The following UBQLN4 variants were observed in gnomAD, a reference collection of about 807,000 sequenced individuals.
The protein encoded by UBQLN4 is ubiquilin 4.
Under a neutral mutation model 60.4 loss-of-function variants are expected in UBQLN4, and 11 were observed. The ratio of observed to expected loss-of-function variants is 0.18; its 90% CI spans 0.11 to 0.30. The LOEUF (loss-of-function observed/expected upper bound fraction) is 0.30, where lower values mean the gene tolerates loss of function less well. UBQLN4 is among the 10% of genes least tolerant of loss of function. The pLI is 1.00. For missense variants in UBQLN4, 417 were observed against 795.5 expected (o/e 0.52, Z 5.72); for synonymous variants, 258 against 313.1 (o/e 0.82, Z 1.86).
chr1:156,050,694 G>C lies in UBQLN4; in HGVS notation c.479-141C>G. 7.6e-7 allele frequency: 1 copy of C among 1,323,872 alleles called. No homozygotes were observed. Among genetic ancestry groups the C allele is most frequent in the Non-Finnish European group, 1.0e-6 (1 of 993,938 alleles). The allele number at this position is 1,323,872 out of a possible 1,614,324, so 82.0% of individuals were successfully genotyped here. On this transcript the variant is annotated intron_variant, in intron 3 of 10. Coordinates refer to ENST00000368309, the MANE Select transcript of UBQLN4 (RefSeq NM_020131.5). The surrounding 1 kb of genome is among the most constrained non-coding windows in gnomAD (Gnocchi z 4.6). ...CCTGTCATTCCCACAGCCCGGCCCT[G>C]ATCCACTGCTGGCAAAAAAATGTGA...
Position 156,048,578 on chromosome 1 carries a change from T to C in UBQLN4, c.823A>G (p.Ile275Val), listed in dbSNP as rs771488654. The part of the protein sequence containing the change: ...QDRALSNLES[I>V]PGGYNALRRM... ...CGGAGGGCATTATACCCTCCAGGGA[T>C]GCTCTCAAGGTTGCTCAGGGCCCGG... The change falls in exon 5 of 11, where the codon ATC (isoleucine) becomes GTC (valine). Residue 275 changes from isoleucine (I) to valine (V), a missense_variant. Physicochemically the swap from Ile to Val is conservative, Grantham distance 29. Coordinates refer to ENST00000368309, the MANE Select transcript of UBQLN4 (RefSeq NM_020131.5). This position sits in a 1 kb window ranked among gnomAD's most constrained non-coding sequence, Gnocchi z 4.9. The C allele has an allele frequency of 3.7e-6, 6 of 1,614,102 alleles. No homozygotes were observed. The highest frequency in any genetic ancestry group is 8.5e-7 in the Non-Finnish European group (1 of 1,179,964).
chr1:156,048,433 G>C lies in UBQLN4; in HGVS notation c.900+68C>G, dbSNP rs1572278824. 6.6e-7 allele frequency: 1 copy of C among 1,524,806 alleles called. No homozygotes were observed. The highest frequency in any genetic ancestry group is 8.9e-7 in the Non-Finnish European group (1 of 1,125,044). The allele number at this position is 1,524,806 out of a possible 1,614,324, so 94.5% of individuals were successfully genotyped here. ...AAGAAAGAAGAGCAGGCCCAGGTTTGCCTGGGGTGGGGGTAGGGAATCTCG... is the reference window on the plus strand; with the variant it reads ...AAGAAAGAAGAGCAGGCCCAGGTTTCCCTGGGGTGGGGGTAGGGAATCTCG... On this transcript the variant is annotated intron_variant, in intron 5 of 10. Transcript: ENST00000368309. The surrounding 1 kb of genome is among the most constrained non-coding windows in gnomAD (Gnocchi z 4.9).
Position 156,035,380 on chromosome 1 carries a change from A to G in UBQLN4, c.*1598T>C. 11 of 985,004 alleles carry G rather than the reference A, an allele frequency of 1.1e-5. No homozygotes were observed. The highest frequency in any genetic ancestry group is 1.3e-5 in the Non-Finnish European group (11 of 829,638). 61.0% of individuals were successfully genotyped at this position (985,004 alleles called of 1,614,324 possible). A position where few individuals can be genotyped will look rare whatever the true frequency, so the allele number is the denominator to read the frequency against. On this transcript the variant is annotated 3_prime_UTR_variant, in exon 11 of 11. Transcript: ENST00000368309. ...GGCAGGGAGGGAAAGCCACACAGAC[A>G]TCTTCTCTGGACTGCTTGGGACCCT...
intron 4 of UBQLN4, among the ~76,000 whole-genome samples, chr1:156,049,851 G>C (rs56681741): frequency 1.1e-3 from 172 of 152,340 alleles, no homozygotes; most frequent in African/African-American, 4.0e-3. Context: ...GCCCTGCCCA[G>C]CCACAGTGCT....
Position 156,042,410 on chromosome 1 carries a change from G to A in UBQLN4, c.1267-174C>T, listed in dbSNP as rs889489960. Reference sequence around the variant, plus strand: ...GGACAGTGAGAGGAAATGGAACTATGCTCTGGGTAATGAAGAGTATGAGGA... The same window carrying A: ...GGACAGTGAGAGGAAATGGAACTATACTCTGGGTAATGAAGAGTATGAGGA... On this transcript the variant is annotated intron_variant, in intron 7 of 10. Transcript: ENST00000368309. 54 of 1,420,662 alleles carry A rather than the reference G, an allele frequency of 3.8e-5. No homozygotes were observed. In the East Asian group the frequency reaches 1.3e-3, roughly 35 times the overall value. The allele number at this position is 1,420,662 out of a possible 1,614,324, so 88.0% of individuals were successfully genotyped here.
At position 156,038,857 on chromosome 1, in the gene UBQLN4, C is replaced by T. The variant is rs541566358; in HGVS notation, c.1654-1727G>A. ...ACGGAGTCTCGCTCTGTCACCCAGG[C>T]TGGATGCAGTGGCATGATCTGCCTC... On this transcript the variant is annotated intron_variant, in intron 10 of 10. Coordinates refer to ENST00000368309, the MANE Select transcript of UBQLN4 (RefSeq NM_020131.5). Among the ~76,000 whole-genome samples the T allele has an allele frequency of 2.7e-4, 38 of 141,844 alleles. No individual in the cohort carries two copies. In the East Asian group the frequency reaches 7.4e-3, roughly 28 times the overall value. 93.1% of individuals were successfully genotyped at this position (141,844 alleles called of 152,430 possible). A position where few individuals can be genotyped will look rare whatever the true frequency, so the allele number is the denominator to read the frequency against.
At chr1:156,038,057 C>A (rs566961774) in intron 10 of UBQLN4, among the ~76,000 whole-genome samples, 2 of 152,220 alleles carry the variant, frequency 1.3e-5, no homozygotes, top group East Asian at 3.9e-4. Context: ...CAGGTGTGTA[C>A]CACCTTGCCC....
rs34008197 is a variant in UBQLN4, at chr1:156,036,169, C to T, written c.*809G>A. The T allele has an allele frequency of 3.0e-6, 3 of 985,448 alleles. No homozygotes were observed. The highest frequency in any genetic ancestry group is 1.7e-5 in the African/African-American group (1 of 57,220). The allele number at this position is 985,448 out of a possible 1,614,324, so 61.0% of individuals were successfully genotyped here. On this transcript the variant is annotated 3_prime_UTR_variant, in exon 11 of 11. Transcript: ENST00000368309. ...CATCTCTAAGTCTCTTCTGCCAGCT[C>T]GGGCCTGGATTCTTCTGCCTAAAAG...
chr1:156,039,764 C>T (rs1375695615), intron 10 of UBQLN4, among the ~76,000 whole-genome samples: 1 of 150,436 alleles, frequency 6.6e-6, no homozygotes, highest in African/African-American at 2.4e-5. Context: ...GGTGAAACCC[C>T]GTCTCTACTA....
rs1683383580 is a variant in UBQLN4, at chr1:156,035,793, A to G, written c.*1185T>C. 1.0e-6 allele frequency: 1 copy of G among 985,522 alleles called. No homozygotes were observed. The allele number at this position is 985,522 out of a possible 1,614,324, so 61.0% of individuals were successfully genotyped here. A position where few individuals can be genotyped will look rare whatever the true frequency, so the allele number is the denominator to read the frequency against. ...CAAGGGACCTAGCTCTCCCGGATAT[A>G]TATTCCTGCAATGGACTGACCTTTT... On this transcript the variant is annotated 3_prime_UTR_variant, in exon 11 of 11. Coordinates refer to ENST00000368309, the MANE Select transcript of UBQLN4 (RefSeq NM_020131.5).
In UBQLN4 at chr1:156,048,682, A is replaced by G. The variant is rs778192309; in HGVS notation, c.742-23T>C. 1 of 1,605,056 alleles carries G rather than the reference A, an allele frequency of 6.2e-7. No homozygotes were observed. The highest frequency in any genetic ancestry group is 8.5e-7 in the Non-Finnish European group (1 of 1,172,474). On this transcript the variant is annotated intron_variant, in intron 4 of 10. Transcript: ENST00000368309. This position sits in a 1 kb window ranked among gnomAD's most constrained non-coding sequence, Gnocchi z 4.9. ...TGTCTGATCAAGGGAGAGAGACAAA[A>G]TGGGCCCCGGAACCAGGGGAGCACC...
intron 1 of UBQLN4, among the ~76,000 whole-genome samples, chr1:156,052,390 G>A (rs1258753656): frequency 6.6e-6 from 1 of 152,194 alleles, no homozygotes; most frequent in African/African-American, 2.4e-5. Context: ...GCAGAGGTGC[G>A]ATCTTGGCTC....
At chr1:156,037,741 G>A (rs987179044) in intron 10 of UBQLN4, among the ~76,000 whole-genome samples, 1 of 152,036 alleles carries the variant, frequency 6.6e-6, no homozygotes, top group African/African-American at 2.4e-5. Context: ...ATGTTAACAG[G>A]CACTCCAAAA....
In UBQLN4 at chr1:156,053,764, G is replaced by T; in HGVS notation, c.-63C>A. The T allele has an allele frequency of 3.6e-6, 4 of 1,097,374 alleles. No homozygotes were observed. The highest frequency in any genetic ancestry group is 4.6e-6 in the Non-Finnish European group (4 of 863,508). The allele number at this position is 1,097,374 out of a possible 1,614,324, so 68.0% of individuals were successfully genotyped here. ...GCTCCTCCTCCTCCCCGCCCGCCCG[G>T]CCGGCCCGGCTCGGCTTCTGCGCCT... On this transcript the variant is annotated 5_prime_UTR_variant, in exon 1 of 11. Transcript: ENST00000368309.
chr1:156,035,719 T>A lies in UBQLN4; in HGVS notation c.*1259A>T, dbSNP rs1415537547. The A allele has an allele frequency of 1.0e-6, 1 of 985,068 alleles. No individual in the cohort carries two copies. Among genetic ancestry groups the A allele is most frequent in the African/African-American group, 1.8e-5 (1 of 57,116 alleles). 61.0% of individuals were successfully genotyped at this position (985,068 alleles called of 1,614,324 possible). A position where few individuals can be genotyped will look rare whatever the true frequency, so the allele number is the denominator to read the frequency against. ...GGTGCTAGTCACAGCCCTGACAGCT[T>A]CAGAAAGGGTACCCACATTACCTCT... On this transcript the variant is annotated 3_prime_UTR_variant, in exon 11 of 11. Transcript: ENST00000368309.
At chr1:156,041,785 C>A in intron 9 of UBQLN4, 87 bp downstream of exon 9, 1 of 1,467,108 alleles carries the variant, frequency 6.8e-7, no homozygotes, top group East Asian at 2.4e-5. Context: ...CTCAGAGACA[C>A]AAAGGATGCT....
At chr1:156,033,498 C>G (rs1375969907), downstream of UBQLN4, among the ~76,000 whole-genome samples, 1 of 152,052 alleles carries the variant, frequency 6.6e-6, no homozygotes, top group African/African-American at 2.4e-5. Context: ...GAGTTTGAGA[C>G]CAGTCTGGGC....
chr1:156,035,253 T>C, downstream of UBQLN4: 1 of 985,238 alleles, frequency 1.0e-6, no homozygotes, highest in Non-Finnish European at 1.2e-6. Context: ...AACCAAGAAG[T>C]TGTTTTCAGC....
chr1:156,042,811 ATC>A lies in UBQLN4; in HGVS notation c.1227_1228del (p.Met409IlefsTer166). 6.2e-7 allele frequency: 1 copy of A among 1,614,214 alleles called. No homozygotes were observed. Among genetic ancestry groups the A allele is most frequent in the South Asian group, 1.1e-5 (1 of 91,090 alleles). ...GTCGGGGTTCTGGGCAAGCGTCTGCATCATGCTGCGCATGTAGGGTGCTGAGA... is the reference window on the plus strand; with the variant it reads ...GTCGGGGTTCTGGGCAAGCGTCTGCAATGCTGCGCATGTAGGGTGCTGAGA... On this transcript the variant is annotated frameshift_variant, in exon 7 of 11. Transcript: ENST00000368309. LOFTEE classifies it high-confidence loss of function.
Sources: gnomAD v4.1 joint callset for allele counts (sites outside exome capture counted in the v4.1 genomes callset) on GRCh38, gnomAD v4.1.1 for gene constraint, Gnocchi (gnomAD v3.1) non-coding constraint, MANE v1.5 for transcripts, NCBI Gene and HGNC (gene_info 2026-07-23, HGNC 2026-07-21) for gene names.